Variants in DHX8 observed in about 807,000 individuals in gnomAD.
DHX8 encodes the protein DEAH-box helicase 8, also known as ATP-dependent RNA helicase DHX8.
Under a neutral mutation model 140.7 loss-of-function variants are expected in DHX8, and 67 were observed. That is an observed-to-expected ratio of 0.48 (90% CI 0.39 to 0.58). The LOEUF (loss-of-function observed/expected upper bound fraction) is 0.58. Among genes scored for constraint, DHX8 ranks in the 20% least tolerant of loss-of-function variants. DHX8 has a pLI of 0.00. For synonymous variants in DHX8, 533 were observed against 553.2 expected, an observed-to-expected ratio of 0.96 and a Z score of 0.51; for missense variants, 887 against 1,550.7, an observed-to-expected ratio of 0.57 and a Z score of 7.19.
chr17:43,490,026 C>G (rs2154586326), intron 2 of DHX8, among the ~76,000 whole-genome samples: 1 of 143,636 alleles, frequency 7.0e-6, no homozygotes, highest in Non-Finnish European at 1.6e-5. Flanking sequence ...ACCAGATTTT[C>G]TGTGATACCT....
At chr17:43,504,466 C>T (rs1463730176) in intron 11 of DHX8, among the ~76,000 whole-genome samples, 178 bp from the exon 12 acceptor site, 1 of 152,232 alleles carries the variant, frequency 6.6e-6, no homozygotes, top group East Asian at 1.9e-4. Context: ...CTTTCCCATT[C>T]CCTGCTGCCC....
intron 3 of DHX8, among the ~76,000 whole-genome samples, chr17:43,539,160 C>T (rs764092715): frequency 6.6e-6 from 1 of 152,190 alleles, no homozygotes; most frequent in Non-Finnish European, 1.5e-5. Context: ...AATCCAAACG[C>T]TTGCCCTTGG....
At chr17:43,531,200 A>C (rs1215525944), downstream of DHX8, among the ~76,000 whole-genome samples, 1 of 152,166 alleles carries the variant, frequency 6.6e-6, no homozygotes, top group Non-Finnish European at 1.5e-5. Flanking sequence ...GAAATTCTAA[A>C]GTTCTAGCTA....
chr17:43,510,312 C>T (rs1317143204), intron 16 of DHX8, among the ~76,000 whole-genome samples: 3 of 152,046 alleles, frequency 2.0e-5, no homozygotes, highest in African/African-American at 4.8e-5. Flanking sequence ...CCTCCCAAAG[C>T]GCCGGGATTC....
At chr17:43,530,038 A>G (rs1970821017), downstream of DHX8, 3 of 1,603,382 alleles carry the variant, frequency 1.9e-6, no homozygotes, top group Non-Finnish European at 2.6e-6. Context: ...GGCCAGGGAG[A>G]CCCTCCCCCA....
chr17:43,519,896 G>C (rs1970290510), intron 18 of DHX8: 1 of 403,394 alleles, frequency 2.5e-6, no homozygotes, highest in South Asian at 3.2e-5. Context: ...AGCTGAGATT[G>C]GGCCACTGCA....
chr17:43,488,902 G>A (rs1968337393), intron 1 of DHX8, among the ~76,000 whole-genome samples: 1 of 152,182 alleles, frequency 6.6e-6, no homozygotes, highest in Non-Finnish European at 1.5e-5. Context: ...GGGCTACATT[G>A]AGCCATTTTG....
At chr17:43,484,558 A>G (rs976025891) in intron 1 of DHX8, among the ~76,000 whole-genome samples, 1 of 152,072 alleles carries the variant, frequency 6.6e-6, no homozygotes, top group Non-Finnish European at 1.5e-5. Flanking sequence ...TCAGCTCTTT[A>G]TTGACATTAT....
downstream of DHX8, chr17:43,526,008 C>G (rs1343249601): frequency 4.1e-6 from 4 of 985,244 alleles, no homozygotes; most frequent in African/African-American, 1.7e-5. Context: ...TGTGGGTGTT[C>G]CTTGACCATC....
chr17:43,501,367 G>A (rs1969185991), intron 11 of DHX8, among the ~76,000 whole-genome samples: 1 of 152,172 alleles, frequency 6.6e-6, no homozygotes, highest in Non-Finnish European at 1.5e-5. Context: ...AATAGAGAGA[G>A]CAGTGGGCAG....
At position 43,525,326 on chromosome 17, in the gene DHX8, C is replaced by T. The variant is rs978554532; in HGVS notation, c.*1479C>T. The T allele has an allele frequency of 5.1e-6, 5 of 984,834 alleles. 1 individual carries two copies. The highest frequency in any genetic ancestry group is 1.1e-4 in the East Asian group (1 of 8,828). 61.0% of individuals were successfully genotyped at this position (984,834 alleles called of 1,614,324 possible). On this transcript the variant is annotated 3_prime_UTR_variant, in exon 23 of 23. Transcript: ENST00000262415. ...CCAGACACTAAGAGAGACTATGTAA[C>T]ATTCCAGGATATAAAGGAATGTATG...
intron 8 of DHX8, 144 bp downstream of exon 8, chr17:43,494,030 A>G: frequency 1.3e-6 from 1 of 768,042 alleles, no homozygotes. Context: ...GACGTACCTG[A>G]GACTGGGCAA....
At chr17:43,530,201 G>A (rs2154587045), downstream of DHX8, 1 of 1,553,010 alleles carries the variant, frequency 6.4e-7, no homozygotes. Flanking sequence ...AAGAAGGGGT[G>A]ATGTGAGAAG....
Position 43,524,376 on chromosome 17 carries a change from T to C in DHX8, c.*529T>C. On this transcript the variant is annotated 3_prime_UTR_variant, in exon 23 of 23. Coordinates refer to ENST00000262415, the MANE Select transcript of DHX8 (RefSeq NM_004941.3). ...GAAAGGTTAGGATATTGGCCTGGGCTCAGGGTGAGGGAGATTTAGTATCTG... is the reference window on the plus strand; with the variant it reads ...GAAAGGTTAGGATATTGGCCTGGGCCCAGGGTGAGGGAGATTTAGTATCTG... 1.0e-6 allele frequency: 1 copy of C among 995,496 alleles called. No individual in the cohort carries two copies. Among genetic ancestry groups the C allele is most frequent in the Middle Eastern group, 5.1e-4 (1 of 1,944 alleles). The allele number at this position is 995,496 out of a possible 1,614,324, so 61.7% of individuals were successfully genotyped here.
At chr17:43,489,973 TTAAG>T (rs761989859) in intron 2 of DHX8, among the ~76,000 whole-genome samples, 58 of 152,322 alleles carry the variant, frequency 3.8e-4, no homozygotes, top group Middle Eastern at 6.8e-3. Flanking sequence ...AAATAAGCCA[TTAAG>T]TGTGTAATGT....
rs889779307 is a variant in DHX8 at position 43,520,384 on chromosome 17, A to T, written c.2937+117A>T. 6 of 1,310,902 alleles carry T rather than the reference A, an allele frequency of 4.6e-6. No homozygotes were observed. In the African/African-American group the frequency reaches 8.9e-5, roughly 19 times the overall value. The allele number at this position is 1,310,902 out of a possible 1,614,324, so 81.2% of individuals were successfully genotyped here. A position where few individuals can be genotyped will look rare whatever the true frequency, so the allele number is the denominator to read the frequency against. On this transcript the variant is annotated intron_variant, in intron 19 of 22. Coordinates refer to ENST00000262415, the MANE Select transcript of DHX8 (RefSeq NM_004941.3). ...GTGGATAAGCTTTGAGTAAAATTCT[A>T]AATGTTTGTTTTTAACCTGAATTTC...
chr17:43,542,604 T>C (rs1372312237), intron 3 of DHX8, among the ~76,000 whole-genome samples: 1 of 152,076 alleles, frequency 6.6e-6, no homozygotes. Flanking sequence ...CCTCACATCA[T>C]TCACCCCTGT....
chr17:43,524,925 C>T lies in DHX8; in HGVS notation c.*1078C>T, dbSNP rs1007939622. The T allele has an allele frequency of 7.1e-6, 7 of 985,054 alleles. No individual in the cohort carries two copies. The African/African-American group carries it at 8.8e-5, about 12-fold the overall frequency. 61.0% of individuals were successfully genotyped at this position (985,054 alleles called of 1,614,324 possible). On this transcript the variant is annotated 3_prime_UTR_variant, in exon 23 of 23. Coordinates refer to ENST00000262415, the MANE Select transcript of DHX8 (RefSeq NM_004941.3). ...GCACTTGCTTGGAGAATAGCCACCT[C>T]CTTGTGCCCTCCTCACAGCTCCTGA... is the stretch of plus-strand genomic sequence containing the variant.
In DHX8 at chr17:43,500,037, C is replaced by A; in HGVS notation, c.1480C>A (p.Arg494=). 1.2e-6 allele frequency: 2 copies of A among 1,614,140 alleles called. No homozygotes were observed. The highest frequency in any genetic ancestry group is 1.7e-6 in the Non-Finnish European group (2 of 1,180,014). ...AAGGCGGGAACTCAAACAGGCCCAG[C>A]GGGAAGCTGAGATGGATTCTATTCC... ...KERRELKQAQ[R]EAEMDSIPMG... is the part of the protein sequence containing the mutation. The change falls in exon 11 of 23, where the codon CGG becomes AGG. Residue 494 remains arginine (R), a synonymous_variant. Coordinates refer to ENST00000262415, the MANE Select transcript of DHX8 (RefSeq NM_004941.3).
Sources: gnomAD v4.1 joint callset for allele counts (sites outside exome capture counted in the v4.1 genomes callset) on GRCh38, gnomAD v4.1.1 for gene constraint, MANE v1.5 for transcripts, NCBI Gene and HGNC (gene_info 2026-07-23, HGNC 2026-07-21) for gene names.